The following SDK2 variants were observed in gnomAD, a reference collection of about 807,000 sequenced individuals.
The protein encoded by SDK2 is sidekick cell adhesion molecule 2, also known as protein sidekick-2.
Under a neutral mutation model 253.9 loss-of-function variants are expected in SDK2, and 105 were observed. That is an observed-to-expected ratio of 0.41 (90% CI 0.35 to 0.49). The LOEUF (loss-of-function observed/expected upper bound fraction) is 0.49, where lower values mean the gene tolerates loss of function less well. Ranked by LOEUF, SDK2 falls within the 20% of genes least tolerant of loss-of-function variation. The pLI, the probability that SDK2 is intolerant of heterozygous loss-of-function variation, is 0.06. For missense variants in SDK2, 2,608 were observed against 3,003.0 expected (o/e 0.87, Z 3.07); for synonymous variants, 1,249 against 1,234.9 (o/e 1.01, Z -0.24).
chr17:73,563,440 C>T (rs550196188), intron 1 of SDK2, among the ~76,000 whole-genome samples: 6 of 152,080 alleles, frequency 3.9e-5, no homozygotes, highest in Admixed American at 1.3e-4. Context: ...TAGCTGGGTG[C>T]GGTGGCACAC....
At position 73,338,305 on chromosome 17, in the gene SDK2, A is replaced by C; in HGVS notation, c.*282T>G. On this transcript the variant is annotated 3_prime_UTR_variant, in exon 45 of 45. Transcript: ENST00000392650. The surrounding 1 kb of genome is among the most constrained non-coding windows in gnomAD (Gnocchi z 5.0). Reference sequence around the variant, plus strand: ...GATGCCCGCCCCACTCCGTGTCCATAGCAGTGACACAGCCACTTCCCCAGC... The same window carrying C: ...GATGCCCGCCCCACTCCGTGTCCATCGCAGTGACACAGCCACTTCCCCAGC... 3.4e-6 allele frequency: 2 copies of C among 582,422 alleles called. No individual in the cohort carries two copies. Among genetic ancestry groups the C allele is most frequent in the East Asian group, 3.9e-5 (1 of 25,460 alleles). 36.1% of individuals were successfully genotyped at this position (582,422 alleles called of 1,614,324 possible). A position where few individuals can be genotyped will look rare whatever the true frequency, so the allele number is the denominator to read the frequency against.
chr17:73,411,897 G>A (rs1280195742), intron 18 of SDK2, among the ~76,000 whole-genome samples: 3 of 143,306 alleles, frequency 2.1e-5, no homozygotes, highest in African/African-American at 5.2e-5. Context: ...TCAGTCTCCC[G>A]AGTAGCTGGG....
chr17:73,414,050 T>C (rs571297220), intron 18 of SDK2, among the ~76,000 whole-genome samples: 7 of 151,484 alleles, frequency 4.6e-5, no homozygotes, highest in Non-Finnish European at 7.4e-5. Context: ...CTCTCTCTCT[T>C]CTTTTTTTTT....
chr17:73,582,971 C>G (rs1023703111), intron 1 of SDK2, among the ~76,000 whole-genome samples: 2 of 152,210 alleles, frequency 1.3e-5, no homozygotes, highest in Non-Finnish European at 2.9e-5. Flanking sequence ...CAAGTGCCCT[C>G]CTGCCTGCCC....
At chr17:73,392,560 C>T (rs1402384877) in intron 27 of SDK2, among the ~76,000 whole-genome samples, 3 of 152,204 alleles carry the variant, frequency 2.0e-5, no homozygotes, top group Admixed American at 6.5e-5. Context: ...TGAGCCACCA[C>T]GCCCAGCCTG....
At chr17:73,367,069 T>C (rs2062691120) in intron 37 of SDK2, among the ~76,000 whole-genome samples, 1 of 151,930 alleles carries the variant, frequency 6.6e-6, no homozygotes, top group African/African-American at 2.4e-5. Flanking sequence ...AGTGGTACAA[T>C]CTCAGCTCAC....
At chr17:73,540,976 G>A (rs909941178) in intron 1 of SDK2, among the ~76,000 whole-genome samples, 15 of 152,176 alleles carry the variant, frequency 9.9e-5, no homozygotes, top group African/African-American at 1.9e-4. Context: ...TGGCTACACC[G>A]TACACCCCAG....
intron 17 of SDK2, 26 bp downstream of exon 17, chr17:73,415,785 G>C (rs1472751181): frequency 1.3e-6 from 2 of 1,543,016 alleles, no homozygotes; most frequent in Non-Finnish European, 1.8e-6. Flanking sequence ...CACCGCGCCT[G>C]GTCTGAGACC....
rs534869778 is a variant in SDK2 at position 73,423,537 on chromosome 17, C to T, written c.1761-15G>A. 37 of 1,533,786 alleles carry T rather than the reference C, an allele frequency of 2.4e-5. No individual in the cohort carries two copies. In the East Asian group the frequency reaches 3.3e-4, roughly 14 times the overall value. On this transcript the variant is annotated splice_polypyrimidine_tract_variant and intron_variant, in intron 13 of 44. Coordinates refer to ENST00000392650, the MANE Select transcript of SDK2 (RefSeq NM_001144952.2). ...GGGGCAGTTGCCTGGAAAAGAGACA[C>T]GTGGTCAGGCATCCCTATGTGGTCT...
intron 2 of SDK2, among the ~76,000 whole-genome samples, chr17:73,484,171 C>T (rs998698526): frequency 5.3e-5 from 8 of 152,128 alleles, no homozygotes; most frequent in East Asian, 1.9e-4. Context: ...TCCTTTGTCC[C>T]GGGCTCCTGG....
rs1289240579 is a variant in SDK2, at chr17:73,601,022, AT to A, written c.64+43002del. On this transcript the variant is annotated intron_variant, in intron 1 of 44. Coordinates refer to ENST00000392650, the MANE Select transcript of SDK2 (RefSeq NM_001144952.2). ...TTTTCATTTTATTATTTAAAAAAAA[AT>A]TTTTTTTTTTTTTTGAGATGGCATC... 4.3e-3 allele frequency among the ~76,000 whole-genome samples: 620 copies of A among 143,190 alleles called. 3 individuals are homozygous for A. The highest frequency in any genetic ancestry group is 0.018 in the South Asian group (81 of 4,478). 93.9% of individuals were successfully genotyped at this position (143,190 alleles called of 152,430 possible).
Position 73,536,860 on chromosome 17 carries a change from T to C in SDK2, c.65-29263A>G, listed in dbSNP as rs536712960. 2.6e-5 allele frequency among the ~76,000 whole-genome samples: 4 copies of C among 152,336 alleles called. No homozygotes were observed. In the East Asian group the frequency reaches 7.7e-4, roughly 29 times the overall value. The stretch of plus-strand genomic sequence containing the variant: ...CTTCCCTACTCCGCCTTCCTGCTGA[T>C]AGTCTAATCTCGGCCTCCTGAGTAA... On this transcript the variant is annotated intron_variant, in intron 1 of 44. Coordinates refer to ENST00000392650, the MANE Select transcript of SDK2 (RefSeq NM_001144952.2).
At chr17:73,432,130 G>A (rs1212034197) in intron 10 of SDK2, among the ~76,000 whole-genome samples, 1 of 151,958 alleles carries the variant, frequency 6.6e-6, no homozygotes, top group East Asian at 1.9e-4. Context: ...GAAGTGACGG[G>A]AGCTGCCTGG....
Position 73,338,027 on chromosome 17 carries a change from G to A in SDK2, c.*560C>T. ...AGTAGAGGTTGCCAAGACAGGGCAG[G>A]GGGTCTGGATGAGGCTGTCCGATGC... is the stretch of plus-strand genomic sequence containing the variant. On this transcript the variant is annotated 3_prime_UTR_variant, in exon 45 of 45. Coordinates refer to ENST00000392650, the MANE Select transcript of SDK2 (RefSeq NM_001144952.2). This position sits in a 1 kb window ranked among gnomAD's most constrained non-coding sequence, Gnocchi z 5.0. The A allele has an allele frequency of 6.0e-6, 1 of 166,698 alleles. No individual in the cohort carries two copies. Among genetic ancestry groups the A allele is most frequent in the South Asian group, 1.4e-4 (1 of 7,124 alleles). The allele number at this position is 166,698 out of a possible 1,614,324, so 10.3% of individuals were successfully genotyped here.
rs1230364955 is a variant in SDK2 at position 73,383,220 on chromosome 17, C to T, written c.4705+656G>A. Among the ~76,000 whole-genome samples the T allele has an allele frequency of 6.6e-6, 1 of 152,228 alleles. No homozygotes were observed. The highest frequency in any genetic ancestry group is 2.4e-5 in the African/African-American group (1 of 41,454). On this transcript the variant is annotated intron_variant, in intron 33 of 44. Transcript: ENST00000392650. This position sits in a 1 kb window ranked among gnomAD's most constrained non-coding sequence, Gnocchi z 4.3. ...TCTCCATCCTCCCACCATGGCCAAG[C>T]CATCATCCTCATGCCACCAAAGTGG...
chr17:73,440,692 C>T (rs777806847), intron 6 of SDK2, 120 bp downstream of exon 6: 4 of 754,494 alleles, frequency 5.3e-6, no homozygotes, highest in Non-Finnish European at 4.7e-6. Context: ...CCTTGCATCC[C>T]TCCTCCCCTG....
Position 73,350,696 on chromosome 17 carries a change from G to A in SDK2, c.5853C>T (p.Leu1951=), listed in dbSNP as rs2062529750. 3 of 1,613,700 alleles carry A rather than the reference G, an allele frequency of 1.9e-6. No individual in the cohort carries two copies. The highest frequency in any genetic ancestry group is 1.7e-5 in the Admixed American group (1 of 59,960). ...LIFILLLVFV[L]IIRGQSKKYA... ...ACTTCTTGCTCTGGCCCCGGATGAT[G>A]AGCACGAAGACCAGAAGCAGGATGA... Residue 1951 remains leucine, a synonymous_variant, in exon 42 of 45, where the codon CTC becomes CTT. Transcript: ENST00000392650.
intron 2 of SDK2, among the ~76,000 whole-genome samples, chr17:73,483,289 C>T (rs549761155): frequency 1.2e-4 from 18 of 149,910 alleles, no homozygotes; most frequent in African/African-American, 4.2e-4. Flanking sequence ...GACAACTCTG[C>T]ACCGACACAA....
chr17:73,621,492 C>T (rs961988051), intron 1 of SDK2, among the ~76,000 whole-genome samples: 11 of 151,886 alleles, frequency 7.2e-5, no homozygotes, highest in South Asian at 2.1e-4. Flanking sequence ...TTAGCGGACA[C>T]GAATTTTAAA....
Sources: allele counts gnomAD v4.1 joint callset (sites outside exome capture counted in the v4.1 genomes callset), GRCh38; gene constraint gnomAD v4.1.1; non-coding constraint Gnocchi (gnomAD v3.1); transcripts MANE v1.5; gene names NCBI Gene and HGNC (gene_info 2026-07-23, HGNC 2026-07-21).